The following COTL1 variants were observed in gnomAD, a reference collection of about 807,000 sequenced individuals.
COTL1 encodes coactosin like F-actin binding protein 1.
A neutral mutation model predicts 16.5 loss-of-function variants in COTL1; 15 were observed. The ratio of observed to expected loss-of-function variants is 0.91; its 90% CI spans 0.61 to 1.40. The LOEUF is 1.40. COTL1 is among the 40% of genes most tolerant of loss of function. The pLI is 0.00. For synonymous variants in COTL1, 112 were observed against 85.3 expected (o/e 1.31, Z -1.73); for missense variants, 220 against 201.5 (o/e 1.09, Z -0.56).
intron 3 of COTL1, among the ~76,000 whole-genome samples, chr16:84,581,158 C>T (rs2326330): frequency 0.41 from 53,073 of 128,042 alleles, 10,792 homozygotes; most frequent in African/African-American, 0.6. Flanking sequence ...AACAAACAAA[C>T]AAATAAATAT....
chr16:84,568,240 C>G (rs548681763), intron 3 of COTL1: 2 of 152,352 alleles, frequency 1.3e-5, no homozygotes, highest in Admixed American at 1.3e-4. Flanking sequence ...TTAAGTGATC[C>G]GCCCAGCTTG....
Position 84,582,853 on chromosome 16 carries a change from G to T in COTL1, c.318+7252C>A, listed in dbSNP as rs372304109. On this transcript the variant is annotated intron_variant, in intron 3 of 3. Coordinates refer to ENST00000262428, the MANE Select transcript of COTL1 (RefSeq NM_021149.5). ...AGTCCTACACCTGTGAGCTGATGGC[G>T]CCAGAATATCAACTTGAGTCTCACT... Among the ~76,000 whole-genome samples the T allele has an allele frequency of 4.6e-5, 7 of 151,766 alleles. No homozygotes were observed. In the East Asian group the frequency reaches 7.8e-4, roughly 17 times the overall value.
At chr16:84,588,656 A>T (rs928127504) in intron 3 of COTL1, among the ~76,000 whole-genome samples, 33 of 151,818 alleles carry the variant, frequency 2.2e-4, no homozygotes, top group African/African-American at 7.5e-4. Flanking sequence ...GACTACCGGT[A>T]TGCACCACCA....
chr16:84,615,750 C>A (rs1905459224), intron 2 of COTL1, among the ~76,000 whole-genome samples: 1 of 152,216 alleles, frequency 6.6e-6, no homozygotes, highest in Non-Finnish European at 1.5e-5. Flanking sequence ...GCCCTGCCAA[C>A]TCTCCACATC....
At position 84,617,990 on chromosome 16, in the gene COTL1, G is replaced by T; in HGVS notation, c.-76C>A. The T allele has an allele frequency of 9.4e-7, 1 of 1,060,250 alleles. No homozygotes were observed. The highest frequency in any genetic ancestry group is 1.2e-6 in the Non-Finnish European group (1 of 814,208). 65.7% of individuals were successfully genotyped at this position (1,060,250 alleles called of 1,614,324 possible). A position where few individuals can be genotyped will look rare whatever the true frequency, so the allele number is the denominator to read the frequency against. On this transcript the variant is annotated 5_prime_UTR_variant, in exon 1 of 4. Transcript: ENST00000262428. ...GGCCGGCGGCGGGGATGGGAGCGCG[G>T]CGGGTACGCGCCGAGGGCGCACGGG...
chr16:84,608,867 T>C (rs1905263553), intron 2 of COTL1, among the ~76,000 whole-genome samples: 1 of 152,202 alleles, frequency 6.6e-6, no homozygotes, highest in Non-Finnish European at 1.5e-5. Context: ...ATCGTGCCAC[T>C]GCACTCCAGA....
chr16:84,583,018 A>G (rs1436954102), intron 3 of COTL1, among the ~76,000 whole-genome samples: 1 of 152,254 alleles, frequency 6.6e-6, no homozygotes, highest in Non-Finnish European at 1.5e-5. Flanking sequence ...AACTAATTTC[A>G]TGTGCAACAC....
At chr16:84,604,646 G>C (rs1905174955) in intron 2 of COTL1, among the ~76,000 whole-genome samples, 1 of 152,062 alleles carries the variant, frequency 6.6e-6, no homozygotes, top group Non-Finnish European at 1.5e-5. Flanking sequence ...AGCCAGGTTT[G>C]GCCAAATCCA....
intron 2 of COTL1, chr16:84,616,261 G>A (rs962707457): frequency 1.3e-5 from 2 of 152,278 alleles, no homozygotes. Context: ...AGCACTTTGA[G>A]AGGCCAAGGT....
intron 2 of COTL1, among the ~76,000 whole-genome samples, chr16:84,599,248 G>T (rs546397221): frequency 1.3e-5 from 2 of 152,200 alleles, no homozygotes; most frequent in African/African-American, 4.8e-5. Flanking sequence ...TCTCCTCTGC[G>T]TATCGCCAAA....
chr16:84,580,914 C>T (rs2052906), intron 3 of COTL1, among the ~76,000 whole-genome samples: 55,860 of 151,894 alleles, frequency 0.37, 11,487 homozygotes, highest in African/African-American at 0.56. Flanking sequence ...GAGGCTGAGG[C>T]GGGCAGATCA....
intron 3 of COTL1, among the ~76,000 whole-genome samples, chr16:84,585,978 TG>T (rs1175995977): frequency 1.2e-4 from 19 of 152,200 alleles, no homozygotes; most frequent in Admixed American, 1.1e-3. Flanking sequence ...ACGCTGGAGC[TG>T]CCAATCATGA....
chr16:84,617,271 G>C (rs975473036), intron 2 of COTL1, among the ~76,000 whole-genome samples: 1 of 152,194 alleles, frequency 6.6e-6, no homozygotes, highest in Admixed American at 6.5e-5. Flanking sequence ...GCCTGGAGAA[G>C]GCATTGTAGG....
intron 2 of COTL1, among the ~76,000 whole-genome samples, chr16:84,607,395 C>T (rs1905235380): frequency 6.6e-6 from 1 of 152,022 alleles, no homozygotes; most frequent in African/African-American, 2.4e-5. Context: ...ATTCAAAGTG[C>T]AGTTCTTCCC....
In COTL1 at chr16:84,571,200, C is replaced by T. The variant is rs542721808; in HGVS notation, c.319-4245G>A. Among the ~76,000 whole-genome samples the T allele has an allele frequency of 4.8e-4, 73 of 152,260 alleles. 1 individual carries two copies. Among genetic ancestry groups the T allele is most frequent in the African/African-American group, 1.6e-3 (66 of 41,560 alleles). ...CAGCTGGTGCATTTGGCTCTGCTCC[C>T]GTCCTCACACGAGAGCCCCCGCCGC... is the stretch of plus-strand genomic sequence containing the variant. On this transcript the variant is annotated intron_variant, in intron 3 of 3. Transcript: ENST00000262428.
At chr16:84,613,058 C>A (rs1018630857) in intron 2 of COTL1, among the ~76,000 whole-genome samples, 1 of 149,246 alleles carries the variant, frequency 6.7e-6, no homozygotes, top group South Asian at 2.1e-4. Context: ...TAGAGTACAA[C>A]AGCGCGATCT....
At chr16:84,567,224 C>T (rs1329376258) in intron 3 of COTL1, 4 of 354,318 alleles carry the variant, frequency 1.1e-5, no homozygotes, top group East Asian at 6.4e-5. Context: ...GGGGATGGCC[C>T]GAGGAAGCTG....
At chr16:84,569,299 C>T (rs1022419028) in intron 3 of COTL1, among the ~76,000 whole-genome samples, 5 of 151,886 alleles carry the variant, frequency 3.3e-5, no homozygotes, top group Admixed American at 6.6e-5. Context: ...CCAGCCTGGG[C>T]GACAGGGTGA....
intron 3 of COTL1, chr16:84,568,651 C>T (rs1310155577): frequency 1.3e-5 from 2 of 152,168 alleles, no homozygotes; most frequent in African/African-American, 4.8e-5. Flanking sequence ...GAGATGGGAA[C>T]AGGAAATGAT....
Sources: allele counts gnomAD v4.1 joint callset (sites outside exome capture counted in the v4.1 genomes callset), GRCh38; gene constraint gnomAD v4.1.1; transcripts MANE v1.5; gene names NCBI Gene and HGNC (gene_info 2026-07-23, HGNC 2026-07-21).